Variants in CAST observed in about 807,000 individuals in gnomAD.
The protein encoded by CAST is MIR583 host.
A neutral mutation model predicts 119.6 loss-of-function variants in CAST; 76 were observed. The ratio of observed to expected loss-of-function variants is 0.64; its 90% CI spans 0.53 to 0.77. CAST has a LOEUF of 0.77. CAST is among the 30% of genes least tolerant of loss of function. The pLI, the probability that CAST is intolerant of heterozygous loss-of-function variation, is 0.00. For synonymous variants in CAST, 319 were observed against 331.6 expected (o/e 0.96, Z 0.41); for missense variants, 953 against 946.5 (o/e 1.01, Z -0.09).
At chr5:96,246,762 TC>T in the CAST span, among the ~76,000 whole-genome samples, 1 of 152,216 alleles carries the variant, frequency 6.6e-6, no homozygotes, top group Non-Finnish European at 1.5e-5. Context: ...CTTTCACATT[TC>T]CTGGCTTGGC....
In CAST at chr5:96,578,949, G is replaced by T. The variant is rs150354494; in HGVS notation, c.60+49069G>T. On this transcript the variant is annotated intron_variant, in intron 1 of 11. Coordinates refer to the CAST transcript ENST00000505143. ...AGAGCTTTGGCCTGTTATTTGGTTT[G>T]CTTGGCTTACCTGTTGCTACTGGAG... Among the ~76,000 whole-genome samples the T allele has an allele frequency of 2.6e-5, 4 of 152,244 alleles. No homozygotes were observed. The East Asian group carries it at 7.7e-4, about 29-fold the overall frequency.
At chr5:96,415,963 C>T in the CAST span, 1 of 939,990 alleles carries the variant, frequency 1.1e-6, no homozygotes, top group Non-Finnish European at 1.8e-6. Flanking sequence ...AGCTCCCCTC[C>T]CCCATTTACA....
the CAST span, among the ~76,000 whole-genome samples, chr5:96,223,655 G>A: frequency 6.6e-6 from 1 of 152,132 alleles, no homozygotes; most frequent in South Asian, 2.1e-4. Flanking sequence ...GTTGTTTTAA[G>A]CCACACCATT....
At chr5:96,211,754 C>A in the CAST span, among the ~76,000 whole-genome samples, 3 of 151,968 alleles carry the variant, frequency 2.0e-5, no homozygotes, top group African/African-American at 7.2e-5. Context: ...CCAGTGAAAT[C>A]ATCTGGGCCT....
At chr5:96,309,856 G>A in the CAST span, among the ~76,000 whole-genome samples, 5 of 152,218 alleles carry the variant, frequency 3.3e-5, no homozygotes, top group African/African-American at 4.8e-5. Flanking sequence ...CGCCTTCTGC[G>A]TTGATCTTGC....
intron 2 of CAST, among the ~76,000 whole-genome samples, chr5:96,676,213 G>T (rs373326055): frequency 6.6e-6 from 1 of 152,092 alleles, no homozygotes. Context: ...AAGGATACAG[G>T]ATTTGCCTTC....
chr5:96,005,354 T>C, the CAST span, among the ~76,000 whole-genome samples: 1 of 151,876 alleles, frequency 6.6e-6, no homozygotes, highest in Non-Finnish European at 1.5e-5. Context: ...AGGGAAGAAA[T>C]GGAATGGATG....
At chr5:96,271,239 T>TA in the CAST span, among the ~76,000 whole-genome samples, 69 of 151,968 alleles carry the variant, frequency 4.5e-4, 1 homozygote, top group African/African-American at 1.6e-3. Flanking sequence ...GTAGAAATAG[T>TA]AAAAAAACAG....
rs867396194 is a variant in CAST, at chr5:96,560,427, A to G, written c.60+30547A>G. 1.4e-3 allele frequency among the ~76,000 whole-genome samples: 213 copies of G among 150,852 alleles called. 1 individual carries two copies. The highest frequency in any genetic ancestry group is 6.9e-3 in the South Asian group (33 of 4,778). ...CATCAGAGTGAACAGGCAACCTACA[A>G]AATGGGAGAAAATTTTTGCAATCTA... On this transcript the variant is annotated intron_variant, in intron 1 of 11. Transcript: ENST00000505143.
chr5:96,187,015 C>T, the CAST span, among the ~76,000 whole-genome samples: 1 of 152,284 alleles, frequency 6.6e-6, no homozygotes, highest in East Asian at 1.9e-4. Context: ...TTATTACTGC[C>T]TCAATTTCAG....
the CAST span, among the ~76,000 whole-genome samples, chr5:96,363,836 C>G: frequency 6.6e-6 from 1 of 152,084 alleles, no homozygotes; most frequent in Non-Finnish European, 1.5e-5. Context: ...TTCAATTAGG[C>G]CTGATTGCCC....
chr5:96,486,588 G>A, the CAST span, among the ~76,000 whole-genome samples: 1 of 152,188 alleles, frequency 6.6e-6, no homozygotes, highest in Non-Finnish European at 1.5e-5. Flanking sequence ...AGGAAGTTGA[G>A]CAGACAGAGC....
chr5:96,696,997 C>A (rs1753375491), intron 3 of CAST, among the ~76,000 whole-genome samples: 1 of 151,964 alleles, frequency 6.6e-6, no homozygotes, highest in South Asian at 2.1e-4. Flanking sequence ...CCCATCTCTA[C>A]TAAAAATACA....
the CAST span, among the ~76,000 whole-genome samples, chr5:96,269,841 A>C: frequency 2.0e-5 from 3 of 152,182 alleles, no homozygotes; most frequent in Non-Finnish European, 2.9e-5. Flanking sequence ...AACTAATATC[A>C]GTTCTACTCA....
At chr5:96,363,250 G>T in the CAST span, among the ~76,000 whole-genome samples, 1 of 149,090 alleles carries the variant, frequency 6.7e-6, no homozygotes, top group East Asian at 1.9e-4. Context: ...TTGTAGTATA[G>T]TTTGAAGTCA....
At chr5:95,997,962 G>GTTTTCTT in the CAST span, among the ~76,000 whole-genome samples, 3 of 111,698 alleles carry the variant, frequency 2.7e-5, no homozygotes, top group African/African-American at 4.1e-5. Context: ...TTTGAGAGAG[G>GTTTTCTT]GTTTTTTTTT....
chr5:96,400,673 A>T, the CAST span, among the ~76,000 whole-genome samples: 1 of 152,168 alleles, frequency 6.6e-6, no homozygotes, highest in Admixed American at 6.5e-5. Context: ...GTAAACATGT[A>T]TTGCCTTTTT....
chr5:96,517,741 A>G, the CAST span, among the ~76,000 whole-genome samples: 1 of 151,916 alleles, frequency 6.6e-6, no homozygotes, highest in East Asian at 1.9e-4. Context: ...CAGCTACTAA[A>G]ATACTATAGG....
the CAST span, among the ~76,000 whole-genome samples, chr5:96,150,003 C>T: frequency 6.6e-6 from 1 of 152,070 alleles, no homozygotes; most frequent in Non-Finnish European, 1.5e-5. Flanking sequence ...CCATCTTCAT[C>T]CTATTGTATA....
Sources: gnomAD v4.1 joint callset for allele counts (sites outside exome capture counted in the v4.1 genomes callset) on GRCh38, gnomAD v4.1.1 for gene constraint, MANE v1.5 for transcripts, NCBI Gene and HGNC (gene_info 2026-07-23, HGNC 2026-07-21) for gene names.